MARCHF3: variants seen among roughly 807,000 people sequenced by gnomAD.
The protein encoded by MARCHF3 is E3 ubiquitin-protein ligase MARCHF3.
In MARCHF3, 13 loss-of-function variants were observed where a neutral mutation model predicts 24.2. The ratio of observed to expected loss-of-function variants is 0.54; its 90% CI spans 0.35 to 0.85. The LOEUF is 0.85. Among genes scored for constraint, MARCHF3 ranks in the 40% least tolerant of loss-of-function variants. The pLI, the probability that MARCHF3 is intolerant of heterozygous loss-of-function variation, is 0.01. For synonymous variants in MARCHF3, 144 were observed against 137.3 expected, an observed-to-expected ratio of 1.05 and a Z score of -0.34; for missense variants, 276 against 325.0, an observed-to-expected ratio of 0.85 and a Z score of 1.16.
chr5:126,901,682 C>A (rs900964365), intron 3 of MARCHF3, among the ~76,000 whole-genome samples: 1 of 152,068 alleles, frequency 6.6e-6, no homozygotes, highest in African/African-American at 2.4e-5. Context: ...TGGCAGGAGC[C>A]CTCAGCAGGG....
intron 1 of MARCHF3, among the ~76,000 whole-genome samples, chr5:127,023,380 C>T (rs998284699): frequency 6.6e-6 from 1 of 152,070 alleles, no homozygotes; most frequent in African/African-American, 2.4e-5. Flanking sequence ...CAAGGGTCAA[C>T]TGTATTATAA....
At chr5:126,963,351 A>AT (rs796702415) in intron 1 of MARCHF3, among the ~76,000 whole-genome samples, 1 of 152,166 alleles carries the variant, frequency 6.6e-6, no homozygotes, top group African/African-American at 2.4e-5. Flanking sequence ...CATGTTTGTT[A>AT]TTTTTGTAGG....
At chr5:126,898,042 G>C (rs547857807) in intron 3 of MARCHF3, among the ~76,000 whole-genome samples, 6 of 152,010 alleles carry the variant, frequency 3.9e-5, no homozygotes, top group Non-Finnish European at 7.4e-5. Flanking sequence ...GGCTGGGGGT[G>C]GGGGACAGAG....
chr5:126,870,789 C>CA lies in MARCHF3; in HGVS notation c.605dup (p.Ser203ValfsTer3). 6.2e-7 allele frequency: 1 copy of CA among 1,614,006 alleles called. No homozygotes were observed. The highest frequency in any genetic ancestry group is 8.5e-7 in the Non-Finnish European group (1 of 1,179,924). ...ACAATCGACAGTGGTACCTAAATGA[C>CA]ACCTGGGGATGGGAGAGGAAAAGTA... On this transcript the variant is annotated frameshift_variant and splice_region_variant, in exon 5 of 5. Transcript: ENST00000308660. LOFTEE classifies it high-confidence loss of function.
At chr5:126,913,446 A>G (rs1754608627) in intron 3 of MARCHF3, among the ~76,000 whole-genome samples, 1 of 152,216 alleles carries the variant, frequency 6.6e-6, no homozygotes, top group African/African-American at 2.4e-5. Flanking sequence ...TTATTATTTA[A>G]TTATATTTGC....
At chr5:126,980,637 G>A (rs1052536065) in intron 1 of MARCHF3, among the ~76,000 whole-genome samples, 1 of 152,078 alleles carries the variant, frequency 6.6e-6, no homozygotes, top group African/African-American at 2.4e-5. Context: ...CCAAAGTGCT[G>A]GGATTACAGG....
intron 1 of MARCHF3, among the ~76,000 whole-genome samples, chr5:126,939,927 C>T (rs1236252338): frequency 2.6e-5 from 4 of 152,162 alleles, no homozygotes; most frequent in Non-Finnish European, 5.9e-5. Flanking sequence ...GCTTACCTAA[C>T]ACACGTATTT....
chr5:126,917,088 T>G (rs937097655), intron 2 of MARCHF3, among the ~76,000 whole-genome samples: 1 of 152,136 alleles, frequency 6.6e-6, no homozygotes, highest in Admixed American at 6.5e-5. Context: ...GACTGATCAC[T>G]CAGACAGAGG....
chr5:126,872,663 C>T (rs537511405), intron 4 of MARCHF3, among the ~76,000 whole-genome samples: 3 of 152,254 alleles, frequency 2.0e-5, no homozygotes, highest in African/African-American at 7.2e-5. Flanking sequence ...GGCCCTTGAT[C>T]AGAATGGGCT....
At chr5:126,909,694 G>T (rs1023227050) in intron 3 of MARCHF3, among the ~76,000 whole-genome samples, 1 of 152,114 alleles carries the variant, frequency 6.6e-6, no homozygotes, top group African/African-American at 2.4e-5. Flanking sequence ...CGCACCCACT[G>T]ACCTGGGCCC....
intron 4 of MARCHF3, among the ~76,000 whole-genome samples, chr5:126,876,877 T>C (rs985999442): frequency 2.0e-5 from 3 of 152,210 alleles, no homozygotes; most frequent in Admixed American, 2.0e-4. Context: ...CTCGAACTTC[T>C]GACCTCAAGT....
At chr5:126,919,541 T>G (rs1749028914) in intron 1 of MARCHF3, among the ~76,000 whole-genome samples, 1 of 152,192 alleles carries the variant, frequency 6.6e-6, no homozygotes, top group Admixed American at 6.5e-5. Flanking sequence ...CTCCCAGATA[T>G]TTGTCTCTAC....
intron 1 of MARCHF3, among the ~76,000 whole-genome samples, chr5:127,027,687 G>A (rs778245251): frequency 2.0e-5 from 3 of 152,088 alleles, no homozygotes; most frequent in Non-Finnish European, 4.4e-5. Flanking sequence ...AGACAAAAGG[G>A]GTCCATTGTT....
chr5:126,954,375 A>AT (rs764704624), intron 1 of MARCHF3, among the ~76,000 whole-genome samples: 4,842 of 144,312 alleles, frequency 0.034, 193 homozygotes, highest in African/African-American at 0.095. Context: ...TATGGATACA[A>AT]TTTTTTTTTT....
At chr5:126,932,474 A>G (rs1669828112) in intron 1 of MARCHF3, among the ~76,000 whole-genome samples, 2 of 152,222 alleles carry the variant, frequency 1.3e-5, no homozygotes, top group Admixed American at 1.3e-4. Context: ...TAGAAGGCTC[A>G]GGAAAGGGAC....
intron 1 of MARCHF3, among the ~76,000 whole-genome samples, chr5:126,978,510 G>C (rs1266145966): frequency 6.6e-6 from 1 of 152,132 alleles, no homozygotes; most frequent in Non-Finnish European, 1.5e-5. Flanking sequence ...AAAGGTGAAA[G>C]GATCACAGGA....
chr5:126,915,209 G>C (rs567396403), intron 2 of MARCHF3, 75 bp from the exon 3 acceptor site: 1 of 1,460,156 alleles, frequency 6.8e-7, no homozygotes, highest in Non-Finnish European at 9.4e-7. Flanking sequence ...TCTAGCTCTT[G>C]TCCTTTGGGC....
chr5:126,973,457 C>T (rs1561453846), intron 1 of MARCHF3, among the ~76,000 whole-genome samples: 1 of 152,228 alleles, frequency 6.6e-6, no homozygotes, highest in Non-Finnish European at 1.5e-5. Context: ...ATAGCTTCCA[C>T]CTGTAGGGGA....
intron 1 of MARCHF3, among the ~76,000 whole-genome samples, chr5:126,960,599 A>C (rs1362589818): frequency 6.6e-6 from 1 of 152,094 alleles, no homozygotes; most frequent in African/African-American, 2.4e-5. Context: ...TGAATCTAAG[A>C]TCTTCCTGAT....
Sources: allele counts gnomAD v4.1 joint callset (sites outside exome capture counted in the v4.1 genomes callset), GRCh38; gene constraint gnomAD v4.1.1; transcripts MANE v1.5; gene names NCBI Gene and HGNC (gene_info 2026-07-23, HGNC 2026-07-21).